SBF2: variants seen among roughly 807,000 people sequenced by gnomAD.
The protein encoded by SBF2 is SET binding factor 2, also known as myotubularin-related protein 13.
In SBF2, 112 loss-of-function variants were observed where a neutral mutation model predicts 225.2. That is an observed-to-expected ratio of 0.50 (90% confidence interval 0.43 to 0.58). The LOEUF is 0.58. SBF2 is among the 20% of genes least tolerant of loss of function. The pLI is 0.00. For missense variants in SBF2, 1,996 were observed against 2,206.2 expected, an observed-to-expected ratio of 0.90 and a Z score of 1.91; for synonymous variants, 763 against 773.3, an observed-to-expected ratio of 0.99 and a Z score of 0.22.
chr11:10,212,867 TG>T (rs1957986744), intron 1 of SBF2, among the ~76,000 whole-genome samples: 1 of 152,126 alleles, frequency 6.6e-6, no homozygotes, highest in South Asian at 2.1e-4. Flanking sequence ...CTGGCTAACA[TG>T]GGGAACCCCG....
intron 16 of SBF2, among the ~76,000 whole-genome samples, chr11:9,911,042 A>G (rs1368853819): frequency 6.7e-6 from 1 of 149,660 alleles, no homozygotes; most frequent in Non-Finnish European, 1.5e-5. Flanking sequence ...CTGGTGACAC[A>G]GCAAGACTCC....
chr11:10,221,880 C>A (rs1114426), intron 1 of SBF2, among the ~76,000 whole-genome samples: 1 of 151,944 alleles, frequency 6.6e-6, no homozygotes, highest in Admixed American at 6.5e-5. Flanking sequence ...TAAGATAAAC[C>A]CCACTGTTTT....
intron 2 of SBF2, among the ~76,000 whole-genome samples, chr11:10,064,572 G>T (rs1355701661): frequency 1.3e-5 from 2 of 152,044 alleles, no homozygotes; most frequent in East Asian, 3.9e-4. Flanking sequence ...ACTCGAAAAG[G>T]TTAAAAGAAA....
At chr11:10,009,492 G>C (rs956596240) in intron 6 of SBF2, among the ~76,000 whole-genome samples, 1 of 151,694 alleles carries the variant, frequency 6.6e-6, no homozygotes, top group Non-Finnish European at 1.5e-5. Flanking sequence ...TCCCACTTAT[G>C]AGTGAGAACA....
intron 13 of SBF2, among the ~76,000 whole-genome samples, chr11:9,983,238 G>A (rs1269074632): frequency 4.6e-5 from 7 of 152,300 alleles, no homozygotes; most frequent in East Asian, 1.9e-4. Flanking sequence ...GGGCTACTGG[G>A]GGGCACAGCG....
chr11:9,968,372 C>G lies in SBF2; in HGVS notation c.1569G>C (p.Lys523Asn). ...GTGGACCTGCTGGCACAACACATTTCTTTTCTATTCGTGTGGCAGGAGGTG... is the reference window on the plus strand; with the variant it reads ...GTGGACCTGCTGGCACAACACATTTGTTTTCTATTCGTGTGGCAGGAGGTG... Reference protein sequence around the residue: ...QNAPPATRIEKKCVVPAGPPV... With the variant: ...QNAPPATRIENKCVVPAGPPV... Residue 523 changes from lysine to asparagine, a missense_variant, in exon 14 of 40, where the codon AAG becomes AAC. Coordinates refer to ENST00000256190, the MANE Select transcript of SBF2 (RefSeq NM_030962.4). 6 of 1,614,154 alleles carry G rather than the reference C, an allele frequency of 3.7e-6. No homozygotes were observed. Among genetic ancestry groups the G allele is most frequent in the Non-Finnish European group, 5.1e-6 (6 of 1,180,032 alleles).
At chr11:10,050,315 T>C (rs766076606) in intron 2 of SBF2, among the ~76,000 whole-genome samples, 3 of 152,168 alleles carry the variant, frequency 2.0e-5, no homozygotes, top group South Asian at 2.1e-4. Flanking sequence ...CATATACATA[T>C]AGGCATATAA....
chr11:10,203,552 T>TA (rs1957641078), intron 1 of SBF2, among the ~76,000 whole-genome samples: 1 of 151,442 alleles, frequency 6.6e-6, no homozygotes, highest in South Asian at 2.1e-4. Context: ...ATCAAGAGAG[T>TA]AAAATTCACA....
chr11:9,872,100 A>C (rs550638440), intron 17 of SBF2, among the ~76,000 whole-genome samples: 2 of 152,248 alleles, frequency 1.3e-5, no homozygotes, highest in African/African-American at 2.4e-5. Context: ...CTGAATAAAG[A>C]AAGTGTGGTA....
intron 2 of SBF2, among the ~76,000 whole-genome samples, chr11:10,086,105 A>G (rs1476057857): frequency 6.6e-6 from 1 of 150,992 alleles, no homozygotes; most frequent in Admixed American, 6.6e-5. Context: ...GTGCTCTGTC[A>G]TTTCTGGTTA....
At chr11:10,018,165 T>C (rs537639150) in intron 6 of SBF2, among the ~76,000 whole-genome samples, 1 of 152,326 alleles carries the variant, frequency 6.6e-6, no homozygotes, top group East Asian at 1.9e-4. Context: ...AACTTCCTCC[T>C]TTCTTTTCCC....
chr11:10,125,318 C>T (rs546361957), intron 2 of SBF2, among the ~76,000 whole-genome samples: 15 of 151,954 alleles, frequency 9.9e-5, no homozygotes, highest in Non-Finnish European at 1.9e-4. Context: ...ATTTTTGCAA[C>T]CATATTTTCC....
chr11:9,979,364 G>T (rs1178212245), intron 13 of SBF2, among the ~76,000 whole-genome samples: 1 of 152,172 alleles, frequency 6.6e-6, no homozygotes. Context: ...AAGAAAAGCA[G>T]TATGTTTATA....
At chr11:9,920,502 AGTCT>A (rs1348625463) in intron 16 of SBF2, among the ~76,000 whole-genome samples, 1 of 152,176 alleles carries the variant, frequency 6.6e-6, no homozygotes, top group African/African-American at 2.4e-5. Context: ...CATAAAACCT[AGTCT>A]GTCTTTCAGA....
At chr11:10,143,233 G>A (rs774621430) in intron 2 of SBF2, among the ~76,000 whole-genome samples, 6 of 151,830 alleles carry the variant, frequency 4.0e-5, no homozygotes, top group Non-Finnish European at 7.4e-5. Flanking sequence ...GTGCAATGGC[G>A]CAATCTCGGC....
intron 2 of SBF2, among the ~76,000 whole-genome samples, chr11:10,135,947 T>G (rs543913729): frequency 6.6e-6 from 1 of 152,278 alleles, no homozygotes; most frequent in Admixed American, 6.5e-5. Flanking sequence ...TAGTCCATTT[T>G]TATGTTGCTT....
At position 9,968,507 on chromosome 11, in the gene SBF2, T is replaced by C. The variant is rs946519735; in HGVS notation, c.1434A>G (p.Pro478=). 3.1e-6 allele frequency: 5 copies of C among 1,614,102 alleles called. No homozygotes were observed. The highest frequency in any genetic ancestry group is 4.2e-6 in the Non-Finnish European group (5 of 1,179,988). The change falls in exon 14 of 40, where the codon CCA becomes CCG. Residue 478 remains proline, a synonymous_variant. Transcript: ENST00000256190. ...GCAAATGGGATCCTTCTGTTGGCCG[T>C]GGAACTTTCTGGAATGCCATATGAG... The part of the protein sequence containing the change: ...PNPHMAFQKV[P]RPTEGSHLRV...
intron 16 of SBF2, among the ~76,000 whole-genome samples, chr11:9,938,511 T>C (rs1865046797): frequency 6.6e-6 from 1 of 151,432 alleles, no homozygotes; most frequent in Non-Finnish European, 1.5e-5. Flanking sequence ...TTTTGGAACA[T>C]AATGTCCTTT....
At chr11:10,062,074 C>T (rs142094617) in intron 2 of SBF2, among the ~76,000 whole-genome samples, 3 of 152,260 alleles carry the variant, frequency 2.0e-5, no homozygotes, top group African/African-American at 4.8e-5. Flanking sequence ...TTTGACAACG[C>T]TGACAAAAAC....
Sources: allele counts gnomAD v4.1 joint callset (sites outside exome capture counted in the v4.1 genomes callset), GRCh38; gene constraint gnomAD v4.1.1; transcripts MANE v1.5; gene names NCBI Gene and HGNC (gene_info 2026-07-23, HGNC 2026-07-21).